PPM1A: variants seen among roughly 807,000 people sequenced by gnomAD.
PPM1A encodes protein phosphatase 1A.
Under a neutral mutation model 35.0 loss-of-function variants are expected in PPM1A, and 7 were observed. The observed-to-expected ratio is 0.20, with a 90% CI of 0.11 to 0.38. PPM1A has a LOEUF of 0.38. PPM1A is among the 10% of genes least tolerant of loss of function. PPM1A has a pLI of 1.00. For missense variants in PPM1A, 239 were observed against 467.8 expected (o/e 0.51, Z 4.51); for synonymous variants, 153 against 167.3 (o/e 0.91, Z 0.66).
intron 3 of PPM1A, chr14:60,288,409 G>A (rs1887264101): frequency 1.0e-6 from 1 of 984,340 alleles, no homozygotes; most frequent in Non-Finnish European, 1.2e-6. Context: ...TATGTTAAGT[G>A]TATTAGTTTT....
chr14:60,260,959 T>C (rs1425295597), intron 1 of PPM1A, among the ~76,000 whole-genome samples: 1 of 152,192 alleles, frequency 6.6e-6, no homozygotes, highest in Non-Finnish European at 1.5e-5. Context: ...ACTAGTATTA[T>C]AACTCAAAAG....
intron 1 of PPM1A, chr14:60,267,076 T>C (rs1311104861): frequency 1.3e-5 from 2 of 152,194 alleles, no homozygotes; most frequent in African/African-American, 2.4e-5. Context: ...TGAGTATTTT[T>C]TTCCCTATCA....
rs1888153146 is a variant in PPM1A, at chr14:60,297,630, A to C, written c.*5148A>C. Reference sequence around the variant, plus strand: ...CATAGTCCTCCTGATCCAGTATAAGACTATTTAGTAACGTGCATTTGTATG... The same window carrying C: ...CATAGTCCTCCTGATCCAGTATAAGCCTATTTAGTAACGTGCATTTGTATG... On this transcript the variant is annotated 3_prime_UTR_variant, in exon 6 of 6. Transcript: ENST00000395076. 6.6e-6 allele frequency: 1 copy of C among 151,674 alleles called. No homozygotes were observed. Among genetic ancestry groups the C allele is most frequent in the Non-Finnish European group, 1.5e-5 (1 of 67,670 alleles). The allele number at this position is 151,674 out of a possible 1,614,324, so 9.4% of individuals were successfully genotyped here.
intron 4 of PPM1A, among the ~76,000 whole-genome samples, chr14:60,290,788 T>G (rs940811639): frequency 6.6e-6 from 1 of 152,148 alleles, no homozygotes; most frequent in African/African-American, 2.4e-5. Context: ...AAACTTTTTT[T>G]TTCCATATGA....
At position 60,285,757 on chromosome 14, in the gene PPM1A, A is replaced by G. The variant is rs1289229449; in HGVS notation, c.952+16A>G. 8 of 1,602,590 alleles carry G rather than the reference A, an allele frequency of 5.0e-6. 1 individual carries two copies. The South Asian group carries it at 9.1e-5, about 18-fold the overall frequency. ...AGAGTAGAAGGTGGATCATTTAACAAAAAATAAGTAGCTTTATTAAAGAAA... is the reference window on the plus strand; with the variant it reads ...AGAGTAGAAGGTGGATCATTTAACAGAAAATAAGTAGCTTTATTAAAGAAA... On this transcript the variant is annotated intron_variant, in intron 3 of 5. Coordinates refer to ENST00000395076, the MANE Select transcript of PPM1A (RefSeq NM_021003.5).
chr14:60,278,109 A>G (rs934742217), intron 1 of PPM1A, among the ~76,000 whole-genome samples: 4 of 152,236 alleles, frequency 2.6e-5, no homozygotes, highest in Admixed American at 6.5e-5. Context: ...GTGCTTGGCT[A>G]GTAGTAATCT....
At chr14:60,253,155 T>C (rs1285528629) in intron 1 of PPM1A, among the ~76,000 whole-genome samples, 3 of 152,132 alleles carry the variant, frequency 2.0e-5, no homozygotes, top group South Asian at 4.1e-4. Flanking sequence ...TTTTTATAAT[T>C]CTTAATATGT....
chr14:60,251,106 C>A (rs1429602902), intron 1 of PPM1A, among the ~76,000 whole-genome samples: 2 of 152,182 alleles, frequency 1.3e-5, no homozygotes, highest in African/African-American at 4.8e-5. Flanking sequence ...TTATGTGTAA[C>A]TTATATGTAT....
chr14:60,265,441 G>A (rs2139407803), intron 1 of PPM1A, among the ~76,000 whole-genome samples: 1 of 152,306 alleles, frequency 6.6e-6, no homozygotes, highest in Middle Eastern at 3.4e-3. Flanking sequence ...AGCCCAGAAG[G>A]CTCACAGTTT....
chr14:60,269,629 G>T (rs1383986239), intron 1 of PPM1A, among the ~76,000 whole-genome samples: 1 of 151,934 alleles, frequency 6.6e-6, no homozygotes, highest in African/African-American at 2.4e-5. Flanking sequence ...GCTCACTGCA[G>T]CCTCCGCCTC....
chr14:60,288,723 G>A (rs746864206), intron 3 of PPM1A, among the ~76,000 whole-genome samples: 1 of 151,850 alleles, frequency 6.6e-6, no homozygotes, highest in Admixed American at 6.6e-5. Flanking sequence ...ATCAAAGGAC[G>A]AATCTTTATA....
chr14:60,283,713 A>G lies in PPM1A; in HGVS notation c.834+176A>G, dbSNP rs554671612. ...ACCACTATGTAGAAATAAATTACCCAATTACCATCTCTGCAAGAGTTATAA... is the reference window on the plus strand; with the variant it reads ...ACCACTATGTAGAAATAAATTACCCGATTACCATCTCTGCAAGAGTTATAA... On this transcript the variant is annotated intron_variant, in intron 2 of 5. Coordinates refer to ENST00000395076, the MANE Select transcript of PPM1A (RefSeq NM_021003.5). The surrounding 1 kb of genome is among the most constrained non-coding windows in gnomAD (Gnocchi z 6.3). 6.6e-6 allele frequency among the ~76,000 whole-genome samples: 1 copy of G among 152,308 alleles called. No individual in the cohort carries two copies. The highest frequency in any genetic ancestry group is 2.1e-4 in the South Asian group (1 of 4,826).
chr14:60,291,376 T>G, intron 4 of PPM1A, 21 bp from the exon 5 acceptor site: 2 of 1,513,490 alleles, frequency 1.3e-6, no homozygotes, highest in Non-Finnish European at 1.8e-6. Flanking sequence ...GAATTAATTT[T>G]CTGCATTTTT....
At chr14:60,256,257 A>G (rs1883123015) in intron 1 of PPM1A, among the ~76,000 whole-genome samples, 1 of 152,064 alleles carries the variant, frequency 6.6e-6, no homozygotes, top group Non-Finnish European at 1.5e-5. Context: ...TGTCTCTACT[A>G]AAATACAAAA....
chr14:60,285,033 T>C (rs575023904), intron 2 of PPM1A, among the ~76,000 whole-genome samples: 1 of 152,296 alleles, frequency 6.6e-6, no homozygotes, highest in South Asian at 2.1e-4. Context: ...TAAAAATGAA[T>C]GTAGTTCCTA....
chr14:60,288,579 A>G, intron 3 of PPM1A: 3 of 977,304 alleles, frequency 3.1e-6, no homozygotes, highest in Non-Finnish European at 3.6e-6. Flanking sequence ...CTTTTTGTTC[A>G]GATTTAAGAC....
chr14:60,291,466 T>A lies in PPM1A; in HGVS notation c.1119+12T>A, dbSNP rs1381524195. ...AAAATGACGACACTGTAAGTAGCATTTTAGCTCCCTCTGCTTTCCCTTCCC... is the reference window on the plus strand; with the variant it reads ...AAAATGACGACACTGTAAGTAGCATATTAGCTCCCTCTGCTTTCCCTTCCC... On this transcript the variant is annotated intron_variant, in intron 5 of 5. Coordinates refer to ENST00000395076, the MANE Select transcript of PPM1A (RefSeq NM_021003.5). The A allele has an allele frequency of 1.9e-6, 3 of 1,565,478 alleles. No homozygotes were observed. Among genetic ancestry groups the A allele is most frequent in the Non-Finnish European group, 2.6e-6 (3 of 1,147,160 alleles).
intron 1 of PPM1A, among the ~76,000 whole-genome samples, chr14:60,253,783 T>G (rs969863191): frequency 6.6e-6 from 1 of 152,214 alleles, no homozygotes; most frequent in African/African-American, 2.4e-5. Context: ...AAGTGGTTGA[T>G]ATCCTTAATG....
intron 1 of PPM1A, chr14:60,257,010 C>T (rs1883212840): frequency 6.6e-6 from 1 of 152,164 alleles, no homozygotes; most frequent in African/African-American, 2.4e-5. Flanking sequence ...AGTATATTAT[C>T]ATATGTTAGC....
Sources: gnomAD v4.1 joint callset for allele counts (sites outside exome capture counted in the v4.1 genomes callset) on GRCh38, gnomAD v4.1.1 for gene constraint, Gnocchi (gnomAD v3.1) non-coding constraint, MANE v1.5 for transcripts, NCBI Gene and HGNC (gene_info 2026-07-23, HGNC 2026-07-21) for gene names.